The following SLC39A11 variants were observed in gnomAD, a reference collection of about 807,000 sequenced individuals.
SLC39A11 encodes the protein solute carrier family 39 member 11, also known as zinc transporter ZIP11.
Under a neutral mutation model 36.1 loss-of-function variants are expected in SLC39A11, and 33 were observed. The observed-to-expected ratio is 0.91, with a 90% CI of 0.69 to 1.22. SLC39A11 has a LOEUF of 1.22. Ranked by LOEUF, SLC39A11 falls within the 50% of genes most tolerant of loss-of-function variation. SLC39A11 has a pLI of 0.00. For missense variants in SLC39A11, 432 were observed against 430.3 expected (o/e 1.00, Z -0.03); for synonymous variants, 166 against 170.3 (o/e 0.97, Z 0.20).
intron 2 of SLC39A11, 82 bp downstream of exon 2, chr17:73,088,575 A>G: frequency 1.7e-6 from 2 of 1,145,888 alleles, no homozygotes; most frequent in South Asian, 1.3e-5. Context: ...AAAAGTCTAC[A>G]AACCTGCTCC....
intron 5 of SLC39A11, among the ~76,000 whole-genome samples, chr17:72,851,071 AGC>A (rs2079292022): frequency 6.6e-6 from 1 of 152,060 alleles, no homozygotes. Context: ...TACATCAACA[AGC>A]AGAGATGGGA....
intron 7 of SLC39A11, among the ~76,000 whole-genome samples, chr17:72,701,820 G>A (rs904861759): frequency 1.3e-5 from 2 of 151,868 alleles, no homozygotes; most frequent in South Asian, 2.1e-4. Context: ...ACATAGACAC[G>A]CAGAGTGTGG....
chr17:73,019,735 A>G (rs2058280865), intron 4 of SLC39A11, among the ~76,000 whole-genome samples: 1 of 152,218 alleles, frequency 6.6e-6, no homozygotes, highest in Non-Finnish European at 1.5e-5. Flanking sequence ...GGATAAATAG[A>G]AAATAAATAG....
At chr17:73,022,556 T>C (rs984112713) in intron 4 of SLC39A11, among the ~76,000 whole-genome samples, 1 of 135,272 alleles carries the variant, frequency 7.4e-6, no homozygotes, top group Non-Finnish European at 1.5e-5. Context: ...GATCCCGCCA[T>C]TGCACTCCAG....
chr17:72,786,361 T>C (rs949302447), intron 6 of SLC39A11, among the ~76,000 whole-genome samples: 1 of 152,184 alleles, frequency 6.6e-6, no homozygotes, highest in African/African-American at 2.4e-5. Context: ...GCCAACAAAA[T>C]TTTACACTTA....
chr17:72,884,856 G>T (rs1347397187), intron 5 of SLC39A11, among the ~76,000 whole-genome samples: 1 of 152,148 alleles, frequency 6.6e-6, no homozygotes, highest in Non-Finnish European at 1.5e-5. Context: ...AACTGGACAA[G>T]GGAACTCTAA....
chr17:72,893,468 A>AT lies in SLC39A11; in HGVS notation c.431-43665_431-43664insA, dbSNP rs201068721. 8.1e-3 allele frequency among the ~76,000 whole-genome samples: 1,232 copies of AT among 151,930 alleles called. 33 individuals are homozygous for AT. Among genetic ancestry groups the AT allele is most frequent in the East Asian group, 0.06 (309 of 5,170 alleles). On this transcript the variant is annotated intron_variant, in intron 5 of 9. Transcript: ENST00000255559. ...CAGCAAGACTGTCTCAGGGAAAAAA[A>AT]ATATATATATATAGATACGGACCAC...
At chr17:73,077,764 CT>C (rs2060372552) in intron 3 of SLC39A11, among the ~76,000 whole-genome samples, 1 of 152,190 alleles carries the variant, frequency 6.6e-6, no homozygotes, top group African/African-American at 2.4e-5. Flanking sequence ...TGATAACACA[CT>C]GGCCTTGTGA....
intron 6 of SLC39A11, among the ~76,000 whole-genome samples, chr17:72,798,009 G>A (rs553509501): frequency 3.4e-4 from 52 of 152,254 alleles, no homozygotes; most frequent in African/African-American, 1.2e-3. Context: ...AAGGACAGAC[G>A]TGACCACAGA....
intron 5 of SLC39A11, among the ~76,000 whole-genome samples, chr17:72,916,562 C>G (rs996483765): frequency 1.3e-5 from 2 of 152,154 alleles, no homozygotes; most frequent in Non-Finnish European, 2.9e-5. Context: ...TGTAGGACCA[C>G]CAGGCCTACA....
chr17:73,001,249 T>A (rs1421328316), intron 4 of SLC39A11, among the ~76,000 whole-genome samples: 1 of 106,476 alleles, frequency 9.4e-6, no homozygotes, highest in Non-Finnish European at 2.4e-5. Context: ...AGCTAACAAT[T>A]TTATTCCAGT....
intron 5 of SLC39A11, among the ~76,000 whole-genome samples, chr17:72,858,344 T>C (rs955994481): frequency 1.3e-5 from 2 of 152,356 alleles, no homozygotes; most frequent in South Asian, 2.1e-4. Flanking sequence ...TGTGTCTGTT[T>C]TTATACCAGT....
At chr17:72,900,175 A>T (rs1339627983) in intron 5 of SLC39A11, among the ~76,000 whole-genome samples, 1 of 145,580 alleles carries the variant, frequency 6.9e-6, no homozygotes, top group East Asian at 2.1e-4. Flanking sequence ...GAAAGAAAGA[A>T]AGAAAGAAAG....
chr17:72,734,763 G>C (rs1342345548), intron 7 of SLC39A11, among the ~76,000 whole-genome samples: 2 of 152,166 alleles, frequency 1.3e-5, no homozygotes, highest in Non-Finnish European at 2.9e-5. Context: ...TCCATGCCTG[G>C]GGCACAGCTG....
intron 6 of SLC39A11, among the ~76,000 whole-genome samples, chr17:72,750,876 T>C (rs919339055): frequency 2.0e-5 from 3 of 152,286 alleles, no homozygotes; most frequent in Admixed American, 1.3e-4. Context: ...CGCCCTGGGA[T>C]AGGCCCCGTG....
chr17:72,813,053 C>T lies in SLC39A11; in HGVS notation c.601+36581G>A, dbSNP rs541883268. Among the ~76,000 whole-genome samples, 79 of 152,262 alleles carry T rather than the reference C, an allele frequency of 5.2e-4. 1 individual carries two copies. The South Asian group carries it at 0.012, about 24-fold the overall frequency. ...GACACAGGGGCAGAAAATGGTTGTTCGTGAGTCATTCTGACGTCAGCTCTT... is the reference window on the plus strand; with the variant it reads ...GACACAGGGGCAGAAAATGGTTGTTTGTGAGTCATTCTGACGTCAGCTCTT... On this transcript the variant is annotated intron_variant, in intron 6 of 9. Coordinates refer to ENST00000255559, the MANE Select transcript of SLC39A11 (RefSeq NM_139177.4).
chr17:72,856,717 G>A (rs2079657828), intron 5 of SLC39A11, among the ~76,000 whole-genome samples: 1 of 150,142 alleles, frequency 6.7e-6, no homozygotes, highest in Non-Finnish European at 1.5e-5. Flanking sequence ...TTCTTGCTCT[G>A]TCACCCAGGC....
intron 7 of SLC39A11, chr17:72,664,297 C>T (rs1029963776): frequency 6.6e-6 from 1 of 152,240 alleles, no homozygotes; most frequent in African/African-American, 2.4e-5. Context: ...GCCGTGGGTC[C>T]CTGCAGTGAG....
intron 6 of SLC39A11, among the ~76,000 whole-genome samples, chr17:72,767,568 C>G (rs1428616256): frequency 6.6e-6 from 1 of 152,202 alleles, no homozygotes; most frequent in Non-Finnish European, 1.5e-5. Flanking sequence ...AGCTGGAAGA[C>G]AGCTCCACGG....
Sources: gnomAD v4.1 joint callset for allele counts (sites outside exome capture counted in the v4.1 genomes callset) on GRCh38, gnomAD v4.1.1 for gene constraint, MANE v1.5 for transcripts, NCBI Gene and HGNC (gene_info 2026-07-23, HGNC 2026-07-21) for gene names.